EBF1: variants seen among roughly 807,000 people sequenced by gnomAD.
EBF1 encodes the protein transcription factor COE1.
In EBF1, 10 loss-of-function variants were observed where a neutral mutation model predicts 68.4. The observed-to-expected ratio is 0.15, with a 90% CI of 0.09 to 0.25. The LOEUF (loss-of-function observed/expected upper bound fraction) is 0.25. Ranked by LOEUF, EBF1 falls within the 10% of genes least tolerant of loss-of-function variation. EBF1 has a pLI of 1.00. For missense variants in EBF1, 509 were observed against 794.4 expected (o/e 0.64, Z 4.32); for synonymous variants, 298 against 299.8 (o/e 0.99, Z 0.06).
intron 8 of EBF1, among the ~76,000 whole-genome samples, chr5:158,816,366 T>C (rs969356420): frequency 1.3e-5 from 2 of 152,254 alleles, no homozygotes; most frequent in African/African-American, 4.8e-5. Flanking sequence ...CAGGAAACTA[T>C]GCAAACCCTG....
At chr5:158,854,183 C>G (rs1193830863) in intron 6 of EBF1, among the ~76,000 whole-genome samples, 1 of 152,196 alleles carries the variant, frequency 6.6e-6, no homozygotes, top group Non-Finnish European at 1.5e-5. Context: ...CTGTAATAAC[C>G]AAAGTGGCAG....
intron 8 of EBF1, among the ~76,000 whole-genome samples, chr5:158,808,488 T>C (rs1005558210): frequency 1.3e-5 from 2 of 152,146 alleles, no homozygotes; most frequent in Admixed American, 1.3e-4. Context: ...TCAGCAGCAG[T>C]TAAGAGCACC....
intron 5 of EBF1, among the ~76,000 whole-genome samples, chr5:159,074,829 G>A (rs1331216838): frequency 6.6e-6 from 1 of 152,172 alleles, no homozygotes; most frequent in African/African-American, 2.4e-5. Context: ...TTCTGATTCA[G>A]AGGGAACTAT....
At chr5:158,734,034 C>G (rs555966635) in intron 10 of EBF1, among the ~76,000 whole-genome samples, 1 of 152,128 alleles carries the variant, frequency 6.6e-6, no homozygotes, top group Non-Finnish European at 1.5e-5. Flanking sequence ...ATGATGCCAT[C>G]CTCAAAAGCA....
chr5:158,904,619 G>C (rs1445509815), intron 6 of EBF1, among the ~76,000 whole-genome samples: 1 of 152,154 alleles, frequency 6.6e-6, no homozygotes, highest in Non-Finnish European at 1.5e-5. Flanking sequence ...ACCGAAATTA[G>C]AAAGGAACTG....
chr5:158,924,506 T>C (rs1041864892), intron 6 of EBF1, among the ~76,000 whole-genome samples: 3 of 152,172 alleles, frequency 2.0e-5, no homozygotes, highest in African/African-American at 7.2e-5. Flanking sequence ...GGCAGCATCA[T>C]AGGTCTGTTT....
intron 6 of EBF1, among the ~76,000 whole-genome samples, chr5:158,942,457 G>C (rs1813632469): frequency 1.3e-5 from 2 of 152,170 alleles, no homozygotes; most frequent in African/African-American, 4.8e-5. Context: ...GAACCCCATA[G>C]GAAAAAAACA....
intron 11 of EBF1, among the ~76,000 whole-genome samples, chr5:158,727,588 C>T (rs1488928703): frequency 6.6e-6 from 1 of 152,192 alleles, no homozygotes; most frequent in African/African-American, 2.4e-5. Flanking sequence ...AAACCTTAGC[C>T]TGCCCTTTTC....
chr5:158,881,308 T>C (rs531365558), intron 6 of EBF1, among the ~76,000 whole-genome samples: 2 of 152,316 alleles, frequency 1.3e-5, no homozygotes, highest in South Asian at 4.1e-4. Flanking sequence ...AGCCTGTTTG[T>C]CAAGTTTATG....
At chr5:158,840,566 G>A (rs1790004081) in intron 6 of EBF1, among the ~76,000 whole-genome samples, 1 of 136,566 alleles carries the variant, frequency 7.3e-6, no homozygotes, top group Non-Finnish European at 1.5e-5. Flanking sequence ...CAAGTAAAAT[G>A]TTTTAATTAG....
chr5:158,847,616 C>T (rs1442858009), intron 6 of EBF1, among the ~76,000 whole-genome samples: 2 of 152,200 alleles, frequency 1.3e-5, no homozygotes, highest in Non-Finnish European at 2.9e-5. Flanking sequence ...ACACAGATTA[C>T]TCAAATGCCA....
chr5:159,030,700 A>G (rs930622065), intron 6 of EBF1, among the ~76,000 whole-genome samples: 7 of 152,152 alleles, frequency 4.6e-5, no homozygotes, highest in Admixed American at 4.6e-4. Flanking sequence ...AAGCATGGAC[A>G]CTCCTGAGCA....
At chr5:158,780,268 C>A (rs1471109279) in intron 9 of EBF1, among the ~76,000 whole-genome samples, 4 of 152,108 alleles carry the variant, frequency 2.6e-5, no homozygotes, top group African/African-American at 9.7e-5. Context: ...ACCCAACATG[C>A]TAGAGGAGGG....
intron 14 of EBF1, among the ~76,000 whole-genome samples, chr5:158,709,313 G>A (rs1758622274): frequency 6.7e-6 from 1 of 149,854 alleles, no homozygotes. Flanking sequence ...CTTAAGTCGG[G>A]GCCTATCACA....
chr5:158,708,257 C>A, intron 14 of EBF1, 84 bp from the exon 15 acceptor site: 6 of 1,377,594 alleles, frequency 4.4e-6, no homozygotes, highest in Non-Finnish European at 6.0e-6. Context: ...CCTCACCCAG[C>A]CACCTTGCTC....
intron 10 of EBF1, among the ~76,000 whole-genome samples, chr5:158,743,530 A>C (rs1226799530): frequency 2.0e-5 from 3 of 152,354 alleles, no homozygotes; most frequent in African/African-American, 7.2e-5. Context: ...GAGCCATAGA[A>C]GTAAAATGAA....
intron 6 of EBF1, among the ~76,000 whole-genome samples, chr5:159,031,520 T>C (rs992000774): frequency 3.9e-5 from 6 of 152,236 alleles, no homozygotes; most frequent in African/African-American, 1.4e-4. Flanking sequence ...TTTCCTGTGC[T>C]ATATAAAGTC....
At chr5:159,014,733 T>C (rs1765336600) in intron 6 of EBF1, among the ~76,000 whole-genome samples, 1 of 152,208 alleles carries the variant, frequency 6.6e-6, no homozygotes, top group Non-Finnish European at 1.5e-5. Context: ...GACCAATTCC[T>C]GGCCAATGAG....
At chr5:158,961,181 G>A (rs77013871) in intron 6 of EBF1, among the ~76,000 whole-genome samples, 3,221 of 152,218 alleles carry the variant, frequency 0.021, 122 homozygotes, top group African/African-American at 0.074. Flanking sequence ...CTTTGAGGAC[G>A]CCAGTGAACT....
Sources: gnomAD v4.1 joint callset for allele counts (sites outside exome capture counted in the v4.1 genomes callset) on GRCh38, gnomAD v4.1.1 for gene constraint, MANE v1.5 for transcripts, NCBI Gene and HGNC (gene_info 2026-07-23, HGNC 2026-07-21) for gene names.